NBAS: variants seen among roughly 807,000 people sequenced by gnomAD.
NBAS encodes the protein NBAS subunit of NRZ tethering complex.
NBAS carries 219 observed loss-of-function variants against 302.5 expected under a neutral mutation model. That is an observed-to-expected ratio of 0.72 (90% CI 0.65 to 0.81). The LOEUF (loss-of-function observed/expected upper bound fraction) is 0.81, where lower values mean the gene tolerates loss of function less well. Ranked by LOEUF, NBAS falls within the 30% of genes least tolerant of loss-of-function variation. The pLI, the probability that NBAS is intolerant of heterozygous loss-of-function variation, is 0.00. For missense variants in NBAS, 2,932 were observed against 2,841.6 expected, an observed-to-expected ratio of 1.03 and a Z score of -0.72; for synonymous variants, 1,118 against 1,021.6, an observed-to-expected ratio of 1.09 and a Z score of -1.80.
At chr2:15,083,800 G>T in the NBAS span, among the ~76,000 whole-genome samples, 1 of 152,164 alleles carries the variant, frequency 6.6e-6, no homozygotes, top group Non-Finnish European at 1.5e-5. Flanking sequence ...AGACAATTGT[G>T]GAGGTAGCAG....
the NBAS span, among the ~76,000 whole-genome samples, chr2:14,989,869 A>G: frequency 6.6e-6 from 1 of 152,230 alleles, no homozygotes. Flanking sequence ...TACAAAAGTA[A>G]TAACACAAGG....
intron 21 of NBAS, among the ~76,000 whole-genome samples, chr2:15,443,274 T>C (rs1678537864): frequency 6.6e-6 from 1 of 151,206 alleles, no homozygotes; most frequent in Non-Finnish European, 1.5e-5. Flanking sequence ...GCAAACCGAA[T>C]CCAGCAGCAC....
intron 44 of NBAS, among the ~76,000 whole-genome samples, chr2:15,273,215 G>A (rs567060223): frequency 6.0e-4 from 92 of 152,302 alleles, no homozygotes; most frequent in Admixed American, 2.0e-3. Context: ...TGTTAGCCCC[G>A]AAGGTTAGTT....
chr2:14,911,987 GT>G, the NBAS span, among the ~76,000 whole-genome samples: 1 of 152,196 alleles, frequency 6.6e-6, no homozygotes, highest in Admixed American at 6.5e-5. Context: ...ATATTATACA[GT>G]GCACTTCACA....
the NBAS span, among the ~76,000 whole-genome samples, chr2:15,109,292 C>T: frequency 6.6e-6 from 1 of 152,222 alleles, no homozygotes; most frequent in East Asian, 1.9e-4. Context: ...TAGTGTACAG[C>T]ATTAAAGCAG....
At chr2:15,016,097 G>A in the NBAS span, among the ~76,000 whole-genome samples, 5 of 152,128 alleles carry the variant, frequency 3.3e-5, no homozygotes, top group African/African-American at 1.2e-4. Context: ...ACATAGCCAA[G>A]ACTGGGTAAT....
At chr2:15,332,578 C>T (rs1672402291) in intron 35 of NBAS, among the ~76,000 whole-genome samples, 1 of 151,054 alleles carries the variant, frequency 6.6e-6, no homozygotes, top group African/African-American at 2.4e-5. Context: ...GTTTCTCGGG[C>T]ATTAGAAAGT....
intron 12 of NBAS, among the ~76,000 whole-genome samples, chr2:15,481,847 G>T (rs1680440683): frequency 6.6e-6 from 1 of 152,108 alleles, no homozygotes; most frequent in Non-Finnish European, 1.5e-5. Flanking sequence ...CTTCTCCAAG[G>T]TTCATCACAG....
At chr2:14,910,884 G>T in the NBAS span, among the ~76,000 whole-genome samples, 2 of 152,216 alleles carry the variant, frequency 1.3e-5, no homozygotes, top group South Asian at 4.1e-4. Context: ...ACTGGGGATA[G>T]TGAAGAATCA....
At chr2:14,886,177 A>C in the NBAS span, among the ~76,000 whole-genome samples, 1 of 145,826 alleles carries the variant, frequency 6.9e-6, no homozygotes, top group Non-Finnish European at 1.5e-5. Context: ...TAAGGACCGC[A>C]CAGCCCTGAC....
At chr2:15,433,891 G>T (rs1339074622) in intron 21 of NBAS, among the ~76,000 whole-genome samples, 22 of 151,828 alleles carry the variant, frequency 1.4e-4, no homozygotes, top group Admixed American at 1.4e-3. Context: ...TTGAGCCCAG[G>T]AGTTTGAGAC....
chr2:15,236,527 CAAAAAAAAAA>C (rs1167993098), intron 45 of NBAS, among the ~76,000 whole-genome samples: 66 of 28,312 alleles, frequency 2.3e-3, no homozygotes, highest in African/African-American at 6.2e-3. Flanking sequence ...GACCCTGTCT[CAAAAAAAAAA>C]AAAAAAAAAA....
chr2:15,386,608 C>T (rs1675311171), intron 28 of NBAS, among the ~76,000 whole-genome samples: 1 of 152,128 alleles, frequency 6.6e-6, no homozygotes, highest in Non-Finnish European at 1.5e-5. Context: ...AACTCCAGTT[C>T]GGACTTCTCT....
chr2:15,170,474 T>C (rs1300896465), intron 51 of NBAS, among the ~76,000 whole-genome samples: 1 of 152,180 alleles, frequency 6.6e-6, no homozygotes, highest in Non-Finnish European at 1.5e-5. Context: ...AGAGGTTCCC[T>C]AAAGAACGAT....
At chr2:14,822,883 G>A in the NBAS span, among the ~76,000 whole-genome samples, 2 of 152,168 alleles carry the variant, frequency 1.3e-5, no homozygotes, top group Admixed American at 6.5e-5. Flanking sequence ...TATGCTAAAT[G>A]TAATATTTCA....
In NBAS at chr2:15,468,448, T is replaced by C. The variant is rs747209092; in HGVS notation, c.1811A>G (p.Gln604Arg). 1 of 1,614,094 alleles carries C rather than the reference T, an allele frequency of 6.2e-7. No homozygotes were observed. The highest frequency in any genetic ancestry group is 8.5e-7 in the Non-Finnish European group (1 of 1,179,956). ...ENVDAAKELL[Q>R]YGLKGTDLEA... ...CAGGTCTGTGCCTTTTAATCCATAC[T>C]GAAGCAGTTCTTTTGCAGCATCCAC... Residue 604 changes from glutamine (Q) to arginine (R), a missense_variant, in exon 17 of 52, where the codon CAG becomes CGG. Transcript: ENST00000281513.
chr2:15,056,823 T>TG, the NBAS span, among the ~76,000 whole-genome samples: 1 of 139,444 alleles, frequency 7.2e-6, no homozygotes, highest in South Asian at 2.3e-4. Context: ...TTCCCTTTTC[T>TG]TTTTTTTTTC....
rs1241153463 is a variant in NBAS, at chr2:15,415,684, C to T, written c.2799G>A (p.Gln933=). ...AACGATGAAGAAAGGGAACCATCCA[C>T]TGGTAGGCACTTGTCACATATTTAT... ...SEDKYVTSAY[Q]WMVPFLHRCE... is the part of the protein sequence containing the mutation. Residue 933 remains glutamine, a synonymous_variant, in exon 25 of 52, where the codon CAG becomes CAA. Coordinates refer to ENST00000281513, the MANE Select transcript of NBAS (RefSeq NM_015909.4). 21 of 1,614,088 alleles carry T rather than the reference C, an allele frequency of 1.3e-5. No individual in the cohort carries two copies. Among genetic ancestry groups the T allele is most frequent in the Non-Finnish European group, 1.5e-5 (18 of 1,180,050 alleles).
chr2:15,121,660 G>A, the NBAS span, among the ~76,000 whole-genome samples: 1 of 151,982 alleles, frequency 6.6e-6, no homozygotes, highest in Admixed American at 6.6e-5. Flanking sequence ...TCATAGTACT[G>A]GGTCTTTGTC....
Sources: allele counts gnomAD v4.1 joint callset (sites outside exome capture counted in the v4.1 genomes callset), GRCh38; gene constraint gnomAD v4.1.1; transcripts MANE v1.5; gene names NCBI Gene and HGNC (gene_info 2026-07-23, HGNC 2026-07-21).